The following PCDHGA7 variants were observed in gnomAD, a reference collection of about 807,000 sequenced individuals.
PCDHGA7 encodes protocadherin gamma subfamily A, 7, also known as protocadherin gamma-A7.
A neutral mutation model predicts 58.3 loss-of-function variants in PCDHGA7; 44 were observed. The ratio of observed to expected loss-of-function variants is 0.75; its 90% CI spans 0.59 to 0.97. The LOEUF is 0.97. Ranked by LOEUF, PCDHGA7 falls within the 50% of genes least tolerant of loss-of-function variation. The pLI, the probability that PCDHGA7 is intolerant of heterozygous loss-of-function variation, is 0.00. For missense variants in PCDHGA7, 1,266 were observed against 1,188.7 expected (o/e 1.06, Z -0.96); for synonymous variants, 516 against 504.2 (o/e 1.02, Z -0.31).
At chr5:141,506,308 G>A (rs941724820) in intron 3 of PCDHGA7, among the ~76,000 whole-genome samples, 8 of 152,100 alleles carry the variant, frequency 5.3e-5, no homozygotes. Flanking sequence ...AATTAGCTGG[G>A]CATGGTGGTG....
rs368564960 is a variant in PCDHGA7 at position 141,408,437 on chromosome 5, G to T, written c.2424+23114G>T. Reference sequence around the variant, plus strand: ...GGAGAAGCTGCACTTCAGCGTAGACGCGGAGAGCGGGGACTTACTTGTGAA... The same window carrying T: ...GGAGAAGCTGCACTTCAGCGTAGACTCGGAGAGCGGGGACTTACTTGTGAA... On this transcript the variant is annotated intron_variant, in intron 1 of 3. Transcript: ENST00000518325. The T allele has an allele frequency of 1.3e-5, 21 of 1,613,950 alleles. No homozygotes were observed. Among genetic ancestry groups the T allele is most frequent in the Non-Finnish European group, 1.6e-5 (19 of 1,179,918 alleles).
chr5:141,487,196 G>A lies in PCDHGA7; in HGVS notation c.2425-7611G>A. On this transcript the variant is annotated intron_variant, in intron 1 of 3. Coordinates refer to ENST00000518325, the MANE Select transcript of PCDHGA7 (RefSeq NM_018920.4). This position sits in a 1 kb window ranked among gnomAD's most constrained non-coding sequence, Gnocchi z 5.0. Reference sequence around the variant, plus strand: ...GGAAGACACTCATCCAGTTGTCCCAGATCTTCGAGAATCTTCAGCTCCAAG... The same window carrying A: ...GGAAGACACTCATCCAGTTGTCCCAAATCTTCGAGAATCTTCAGCTCCAAG... The A allele has an allele frequency of 1.2e-6, 2 of 1,613,878 alleles. No homozygotes were observed. The highest frequency in any genetic ancestry group is 8.5e-7 in the Non-Finnish European group (1 of 1,179,796).
At chr5:141,509,551 C>T (rs2099877337) in intron 3 of PCDHGA7, among the ~76,000 whole-genome samples, 1 of 152,164 alleles carries the variant, frequency 6.6e-6, no homozygotes, top group South Asian at 2.1e-4. Context: ...CTCATTTAGT[C>T]CTCACAGCAG....
chr5:141,464,583 C>T (rs768431243), intron 1 of PCDHGA7, among the ~76,000 whole-genome samples: 6 of 152,024 alleles, frequency 3.9e-5, no homozygotes, highest in Admixed American at 2.0e-4. Context: ...TGAGAATGTC[C>T]ATTGTCCCAT....
intron 1 of PCDHGA7, chr5:141,426,946 C>A (rs565370434): frequency 2.2e-6 from 1 of 456,786 alleles, no homozygotes; most frequent in South Asian, 1.5e-5. Flanking sequence ...CCAGTCCCAA[C>A]TGGCACTGCT....
intron 1 of PCDHGA7, among the ~76,000 whole-genome samples, chr5:141,468,868 A>T (rs1006995156): frequency 9.2e-5 from 14 of 151,794 alleles, no homozygotes; most frequent in African/African-American, 2.4e-4. Flanking sequence ...TCCATCTCAA[A>T]AATAATAATA....
Position 141,431,432 on chromosome 5 carries a change from AC to A in PCDHGA7, c.2424+46111del. 2 of 1,613,692 alleles carry A rather than the reference AC, an allele frequency of 1.2e-6. No individual in the cohort carries two copies. Among genetic ancestry groups the A allele is most frequent in the Non-Finnish European group, 1.7e-6 (2 of 1,180,026 alleles). On this transcript the variant is annotated intron_variant, in intron 1 of 3. Transcript: ENST00000518325. The surrounding 1 kb of genome is among the most constrained non-coding windows in gnomAD (Gnocchi z 4.8). ...CGGGGGCGACCCGGTGCGCACAGGC[AC>A]CGCGCGCATCCGCGTGATGGTTCTG... is the stretch of plus-strand genomic sequence containing the variant.
intron 1 of PCDHGA7, among the ~76,000 whole-genome samples, chr5:141,458,512 TG>T (rs995261761): frequency 1.3e-5 from 2 of 150,194 alleles, no homozygotes; most frequent in East Asian, 1.9e-4. Flanking sequence ...TTTGACACTT[TG>T]TTTTTTTTTT....
chr5:141,446,928 C>T (rs988582410), intron 1 of PCDHGA7, among the ~76,000 whole-genome samples: 14 of 152,132 alleles, frequency 9.2e-5, no homozygotes, highest in Non-Finnish European at 1.6e-4. Context: ...TTCCTGATCT[C>T]TTTTTCACTG....
rs748941284 is a variant in PCDHGA7, at chr5:141,383,660, A to G, written c.761A>G (p.Asn254Ser). The G allele has an allele frequency of 6.2e-7, 1 of 1,614,030 alleles. No individual in the cohort carries two copies. Among genetic ancestry groups the G allele is most frequent in the South Asian group, 1.1e-5 (1 of 91,086 alleles). Residue 254 changes from asparagine to serine, a missense_variant, in exon 1 of 4, where the codon AAT becomes AGT. Transcript: ENST00000518325. ...CAGTACCAAGTAACTGTCCCCGAGAATGTGCCAGTGGGTACAAGACTGCTC... is the reference window on the plus strand; with the variant it reads ...CAGTACCAAGTAACTGTCCCCGAGAGTGTGCCAGTGGGTACAAGACTGCTC... ...LPQYQVTVPE[N>S]VPVGTRLLTV...
chr5:141,496,164 C>A (rs745320704), intron 2 of PCDHGA7, among the ~76,000 whole-genome samples: 1 of 152,084 alleles, frequency 6.6e-6, no homozygotes, highest in East Asian at 1.9e-4. Flanking sequence ...CCACCAGACA[C>A]CCTCCCATCC....
At chr5:141,394,100 ACCACCTCTGT>A in intron 1 of PCDHGA7, 1 of 1,613,942 alleles carries the variant, frequency 6.2e-7, no homozygotes, top group Admixed American at 1.7e-5. Context: ...ATCTAGGAAC[ACCACCTCTGT>A]CCACTGAAAC....
Position 141,420,431 on chromosome 5 carries a change from A to G in PCDHGA7, c.2424+35108A>G, listed in dbSNP as rs183252328. 8.4e-5 allele frequency: 96 copies of G among 1,148,758 alleles called. No individual in the cohort carries two copies. In the African/African-American group the frequency reaches 1.3e-3, roughly 16 times the overall value. The allele number at this position is 1,148,758 out of a possible 1,614,324, so 71.2% of individuals were successfully genotyped here. Reference sequence around the variant, plus strand: ...TATCATTATTAAAACAAAAGTTTAAATTAAATGCCTCAGTCTTCCTACTAT... The same window carrying G: ...TATCATTATTAAAACAAAAGTTTAAGTTAAATGCCTCAGTCTTCCTACTAT... On this transcript the variant is annotated intron_variant, in intron 1 of 3. Transcript: ENST00000518325.
rs773522759 is a variant in PCDHGA7, at chr5:141,419,457, A to G, written c.2424+34134A>G. The G allele has an allele frequency of 7.4e-6, 12 of 1,612,610 alleles. No homozygotes were observed. The South Asian group carries it at 1.3e-4, about 18-fold the overall frequency. On this transcript the variant is annotated intron_variant, in intron 1 of 3. Transcript: ENST00000518325. ...CTGCGCACCTTCGAGCTCACGCTGC[A>G]GGCCCGCGACCAGGGCTCGCCCGCG...
intron 1 of PCDHGA7, chr5:141,409,367 G>A: frequency 1.9e-6 from 3 of 1,614,000 alleles, no homozygotes; most frequent in Non-Finnish European, 2.5e-6. Context: ...TATAGAAACA[G>A]ACATTCCATT....
At chr5:141,424,748 A>G (rs1218712198) in intron 1 of PCDHGA7, 3 of 152,034 alleles carry the variant, frequency 2.0e-5, no homozygotes, top group African/African-American at 4.8e-5. Flanking sequence ...TTCTTTCTTT[A>G]TAAGGTCATT....
intron 1 of PCDHGA7, chr5:141,392,785 T>C: frequency 1.3e-6 from 2 of 1,549,118 alleles, no homozygotes; most frequent in Non-Finnish European, 1.7e-6. Flanking sequence ...ACAGTGAAGA[T>C]TCTGAGAGGA....
chr5:141,439,212 T>G (rs1391791892), intron 1 of PCDHGA7, among the ~76,000 whole-genome samples: 1 of 150,642 alleles, frequency 6.6e-6, no homozygotes, highest in Non-Finnish European at 1.5e-5. Context: ...AAAATCCATA[T>G]GTGAAAATTC....
At chr5:141,399,148 C>T (rs2150776580) in intron 1 of PCDHGA7, 2 of 1,613,684 alleles carry the variant, frequency 1.2e-6, no homozygotes, top group Non-Finnish European at 1.7e-6. Context: ...TGACAATAGC[C>T]CAGAAGTTAC....
Sources: gnomAD v4.1 joint callset for allele counts (sites outside exome capture counted in the v4.1 genomes callset) on GRCh38, gnomAD v4.1.1 for gene constraint, Gnocchi (gnomAD v3.1) non-coding constraint, MANE v1.5 for transcripts, NCBI Gene and HGNC (gene_info 2026-07-23, HGNC 2026-07-21) for gene names.